TAF4: variants seen among roughly 807,000 people sequenced by gnomAD.
TAF4 encodes the protein TATA-box binding protein associated factor 4.
A neutral mutation model predicts 90.3 loss-of-function variants in TAF4; 9 were observed. The observed-to-expected ratio is 0.10, with a 90% CI of 0.06 to 0.17. The LOEUF is 0.17. Ranked by LOEUF, TAF4 falls within the 10% of genes least tolerant of loss-of-function variation. The pLI is 1.00. For missense variants in TAF4, 1,351 were observed against 1,370.7 expected (o/e 0.99, Z 0.23); for synonymous variants, 818 against 638.9 (o/e 1.28, Z -4.23).
chr20:61,989,169 A>G (rs2055615238), intron 14 of TAF4, among the ~76,000 whole-genome samples: 1 of 152,046 alleles, frequency 6.6e-6, no homozygotes, highest in Non-Finnish European at 1.5e-5. Flanking sequence ...GGAAGGGCGC[A>G]CACCACACAC....
At chr20:62,022,626 CTT>C (rs1419887627) in intron 1 of TAF4, among the ~76,000 whole-genome samples, 1 of 152,198 alleles carries the variant, frequency 6.6e-6, no homozygotes, top group Non-Finnish European at 1.5e-5. Flanking sequence ...CACAGGCTGG[CTT>C]TCTCTCTAAG....
chr20:62,012,991 C>T (rs1235533536), intron 2 of TAF4, 57 bp from the exon 3 acceptor site: 1 of 1,598,490 alleles, frequency 6.3e-7, no homozygotes, highest in African/African-American at 1.3e-5. Flanking sequence ...TTCCCACCCC[C>T]AGGTACACAG....
intron 14 of TAF4, chr20:61,979,997 C>A (rs1169131057): frequency 2.0e-5 from 3 of 152,668 alleles, no homozygotes; most frequent in African/African-American, 7.2e-5. Flanking sequence ...GGGGCCTCGG[C>A]CTAAACAACT....
chr20:61,976,252 G>A lies in TAF4; in HGVS notation c.3174C>T (p.Val1058=). ...RQFTRQRITR[V]NLRDLIFCLE... ...AACAAAATATGAGGTCCCTGAGGTTGACCCGCGTGATTCTTTGTCGCGTGA... is the reference window on the plus strand; with the variant it reads ...AACAAAATATGAGGTCCCTGAGGTTAACCCGCGTGATTCTTTGTCGCGTGA... Residue 1058 remains valine (V), a synonymous_variant, in exon 15 of 15, where the codon GTC becomes GTT. Coordinates refer to ENST00000252996, the MANE Select transcript of TAF4 (RefSeq NM_003185.4). The A allele has an allele frequency of 1.2e-6, 2 of 1,614,042 alleles. No homozygotes were observed. The highest frequency in any genetic ancestry group is 1.7e-6 in the Non-Finnish European group (2 of 1,180,046).
intron 1 of TAF4, among the ~76,000 whole-genome samples, chr20:62,062,207 T>G (rs2056092694): frequency 6.6e-6 from 1 of 152,240 alleles, no homozygotes; most frequent in South Asian, 2.1e-4. Flanking sequence ...GTTACTTCCA[T>G]CTTTGTTCTA....
chr20:61,983,550 C>T (rs761748459), intron 14 of TAF4, among the ~76,000 whole-genome samples: 2 of 152,112 alleles, frequency 1.3e-5, no homozygotes, highest in Non-Finnish European at 2.9e-5. Flanking sequence ...TAGTCCCAGG[C>T]TACTGGGGCG....
chr20:62,041,868 A>G (rs1320259326), intron 1 of TAF4, among the ~76,000 whole-genome samples: 1 of 150,926 alleles, frequency 6.6e-6, no homozygotes, highest in Non-Finnish European at 1.5e-5. Context: ...CAGGAGTTCA[A>G]GGCACCACTG....
intron 3 of TAF4, chr20:62,012,610 G>A (rs6142920): frequency 0.13 from 74,186 of 591,476 alleles, 5,843 homozygotes; most frequent in African/African-American, 0.38. Flanking sequence ...CTAAAAAAAA[G>A]AAAAAAGAAA....
intron 1 of TAF4, among the ~76,000 whole-genome samples, chr20:62,027,206 G>A (rs529576105): frequency 6.6e-6 from 1 of 152,322 alleles, no homozygotes; most frequent in South Asian, 2.1e-4. Context: ...GAAACCTGGA[G>A]TGGAATGAAG....
At chr20:61,997,383 T>C (rs544912783) in intron 14 of TAF4, among the ~76,000 whole-genome samples, 167 bp downstream of exon 14, 7 of 152,348 alleles carry the variant, frequency 4.6e-5, no homozygotes, top group African/African-American at 1.2e-4. Context: ...ATAAGCTGAT[T>C]TGGATTTAAA....
chr20:62,063,644 G>C (rs955101859), intron 1 of TAF4, among the ~76,000 whole-genome samples: 2 of 151,922 alleles, frequency 1.3e-5, no homozygotes, highest in African/African-American at 2.4e-5. Flanking sequence ...CACGGAGCGA[G>C]AACATCTGCT....
chr20:61,990,518 G>A (rs1257637506), intron 14 of TAF4, among the ~76,000 whole-genome samples: 3 of 152,250 alleles, frequency 2.0e-5, no homozygotes, highest in Non-Finnish European at 4.4e-5. Flanking sequence ...ATCACCTGAA[G>A]GACGCTGCAG....
intron 1 of TAF4, among the ~76,000 whole-genome samples, chr20:62,053,148 G>A (rs900047712): frequency 1.3e-5 from 2 of 152,158 alleles, no homozygotes; most frequent in African/African-American, 4.8e-5. Context: ...GGCCCACAGA[G>A]CACCCGAAAG....
At chr20:62,014,774 G>A (rs2055803613) in intron 1 of TAF4, 67 bp from the exon 2 acceptor site, 1 of 1,561,354 alleles carries the variant, frequency 6.4e-7, no homozygotes, top group East Asian at 2.3e-5. Context: ...GCCCTGGCCT[G>A]ACCCAGGGGA....
At chr20:62,057,191 A>G (rs1454705798) in intron 1 of TAF4, among the ~76,000 whole-genome samples, 1 of 152,204 alleles carries the variant, frequency 6.6e-6, no homozygotes, top group African/African-American at 2.4e-5. Flanking sequence ...ACCTCTGCCC[A>G]CAGTGTCTGC....
chr20:62,065,302 G>GGCC lies in TAF4; in HGVS notation c.508_509insGGC (p.Ala170delinsGlyPro). ...GGGGCCGGGCCCGGGGCCGGGGCCG[G>GGCC]CGCGGGCGGCCAGCGCGGCGGGGCC... On this transcript the variant is annotated protein_altering_variant, in exon 1 of 15. Transcript: ENST00000252996. The GGCC allele has an allele frequency of 1.1e-6, 1 of 925,100 alleles. No homozygotes were observed. Among genetic ancestry groups the GGCC allele is most frequent in the Non-Finnish European group, 1.3e-6 (1 of 781,626 alleles). 57.3% of individuals were successfully genotyped at this position (925,100 alleles called of 1,614,324 possible). A position where few individuals can be genotyped will look rare whatever the true frequency, so the allele number is the denominator to read the frequency against.
At chr20:61,989,555 G>A (rs12053628) in intron 14 of TAF4, among the ~76,000 whole-genome samples, 6,543 of 84,440 alleles carry the variant, frequency 0.077, 215 homozygotes, top group East Asian at 0.35. Flanking sequence ...GAGGGATCCC[G>A]GCACCCACAG....
chr20:62,022,971 C>T (rs544316739), intron 1 of TAF4, among the ~76,000 whole-genome samples: 3 of 152,004 alleles, frequency 2.0e-5, no homozygotes, highest in South Asian at 2.1e-4. Flanking sequence ...AGTGAAGGGA[C>T]GTGCACTGTG....
intron 5 of TAF4, 80 bp from the exon 6 acceptor site, chr20:62,007,716 G>A (rs748672234): frequency 5.6e-5 from 76 of 1,359,018 alleles, no homozygotes; most frequent in South Asian, 1.2e-4. Flanking sequence ...CTCTGGTCTC[G>A]TATTTTACGG....
Sources: gnomAD v4.1 joint callset for allele counts (sites outside exome capture counted in the v4.1 genomes callset) on GRCh38, gnomAD v4.1.1 for gene constraint, MANE v1.5 for transcripts, NCBI Gene and HGNC (gene_info 2026-07-23, HGNC 2026-07-21) for gene names.